PRMT3: variants seen among roughly 807,000 people sequenced by gnomAD.
The protein encoded by PRMT3 is protein arginine methyltransferase 3, also known as protein arginine N-methyltransferase 3.
In PRMT3, 62 loss-of-function variants were observed where a neutral mutation model predicts 71.9. The ratio of observed to expected loss-of-function variants is 0.86; its 90% CI spans 0.70 to 1.07. The LOEUF is 1.07. Among genes scored for constraint, PRMT3 ranks in the 50% least tolerant of loss-of-function variants. The pLI, the probability that PRMT3 is intolerant of heterozygous loss-of-function variation, is 0.00. For missense variants in PRMT3, 663 were observed against 643.0 expected (o/e 1.03, Z -0.34); for synonymous variants, 213 against 220.4 (o/e 0.97, Z 0.30).
At chr11:20,423,691 T>A (rs982577984) in intron 9 of PRMT3, among the ~76,000 whole-genome samples, 1 of 151,954 alleles carries the variant, frequency 6.6e-6, no homozygotes, top group Non-Finnish European at 1.5e-5. Flanking sequence ...TTTTCTCTGA[T>A]TTTTTTAAGT....
At chr11:20,394,303 A>T (rs1749055452) in intron 5 of PRMT3, among the ~76,000 whole-genome samples, 1 of 152,230 alleles carries the variant, frequency 6.6e-6, no homozygotes, top group Non-Finnish European at 1.5e-5. Context: ...TAGAGAAGTG[A>T]AATTAAAATT....
intron 15 of PRMT3, among the ~76,000 whole-genome samples, chr11:20,504,378 C>T (rs904113503): frequency 6.6e-6 from 1 of 152,118 alleles, no homozygotes; most frequent in Non-Finnish European, 1.5e-5. Flanking sequence ...GCCTTTAAGA[C>T]AGTCTTTATA....
At chr11:20,392,815 T>C (rs990418820) in intron 4 of PRMT3, 82 bp from the exon 5 acceptor site, 1 of 891,278 alleles carries the variant, frequency 1.1e-6, no homozygotes, top group African/African-American at 1.7e-5. Flanking sequence ...GATTTCCTTT[T>C]TGTTTAATTT....
intron 10 of PRMT3, among the ~76,000 whole-genome samples, chr11:20,441,317 A>G (rs912351106): frequency 3.7e-5 from 5 of 133,532 alleles, no homozygotes; most frequent in Admixed American, 7.6e-5. Flanking sequence ...ATTTATTTAT[A>G]TATTTTGAGA....
At chr11:20,506,438 G>A (rs1052997410) in intron 15 of PRMT3, among the ~76,000 whole-genome samples, 2 of 151,496 alleles carry the variant, frequency 1.3e-5, no homozygotes, top group African/African-American at 2.4e-5. Flanking sequence ...TGCACCTTGG[G>A]CCACATTATT....
chr11:20,483,899 G>T (rs1851008341), intron 13 of PRMT3, among the ~76,000 whole-genome samples: 1 of 152,142 alleles, frequency 6.6e-6, no homozygotes, highest in Non-Finnish European at 1.5e-5. Flanking sequence ...GTAATTAATT[G>T]TACAGATGAG....
At chr11:20,435,917 T>C (rs1205948756) in intron 10 of PRMT3, among the ~76,000 whole-genome samples, 1 of 152,236 alleles carries the variant, frequency 6.6e-6, no homozygotes. Flanking sequence ...GCCAGTATGG[T>C]TATTTCAACA....
chr11:20,418,135 G>A (rs985139421), intron 9 of PRMT3, among the ~76,000 whole-genome samples: 1 of 152,108 alleles, frequency 6.6e-6, no homozygotes, highest in African/African-American at 2.4e-5. Context: ...AGAAAAAGTT[G>A]ATAATTTCAT....
intron 15 of PRMT3, among the ~76,000 whole-genome samples, chr11:20,504,707 T>TGTGTGAGAGAGAGAGA (rs1332372470): frequency 5.2e-5 from 7 of 133,644 alleles, no homozygotes; most frequent in African/African-American, 1.5e-4. Flanking sequence ...TGTGTGTGTG[T>TGTGTGAGAGAGAGAGA]GAGAGAGAGA....
intron 9 of PRMT3, among the ~76,000 whole-genome samples, chr11:20,422,040 C>T (rs531233583): frequency 2.0e-4 from 31 of 152,268 alleles, no homozygotes; most frequent in African/African-American, 7.0e-4. Flanking sequence ...ACCCCTCTTG[C>T]GGTAGGTATG....
At chr11:20,390,720 C>T (rs1299819868) in intron 3 of PRMT3, among the ~76,000 whole-genome samples, 2 of 152,230 alleles carry the variant, frequency 1.3e-5, no homozygotes, top group African/African-American at 4.8e-5. Context: ...TGGCTCACGC[C>T]TGTGATTCCA....
chr11:20,415,409 A>G (rs1849283020), intron 9 of PRMT3, among the ~76,000 whole-genome samples: 1 of 152,138 alleles, frequency 6.6e-6, no homozygotes, highest in Admixed American at 6.6e-5. Context: ...GGAAGAACTC[A>G]CACAATTCAG....
At chr11:20,491,848 A>C (rs1590107393) in intron 13 of PRMT3, among the ~76,000 whole-genome samples, 1 of 152,194 alleles carries the variant, frequency 6.6e-6, no homozygotes, top group African/African-American at 2.4e-5. Context: ...ATACAGAATT[A>C]GATCTTTTCT....
chr11:20,502,313 G>A (rs539087484), intron 15 of PRMT3, among the ~76,000 whole-genome samples: 28 of 152,310 alleles, frequency 1.8e-4, no homozygotes, highest in African/African-American at 6.7e-4. Flanking sequence ...CAATTGAAGG[G>A]AGATCAGCAG....
rs1191864779 is a variant in PRMT3 at position 20,392,258 on chromosome 11, A to C, written c.295A>C (p.Lys99Gln). 8 of 1,562,990 alleles carry C rather than the reference A, an allele frequency of 5.1e-6. No homozygotes were observed. The highest frequency in any genetic ancestry group is 2.3e-5 in the South Asian group (2 of 87,344). Residue 99 changes from lysine to glutamine, a missense_variant and splice_region_variant, in exon 4 of 16, where the codon AAG (lysine) becomes CAG (glutamine). Physicochemically the swap from Lys to Gln is moderately conservative, Grantham distance 53. Transcript: ENST00000331079. Reference protein sequence around the residue: ...YIKLINFIRLKNPTVEYMNSI... With the variant: ...YIKLINFIRLQNPTVEYMNSI... ...TAAGCTAATAAATTTTATTAGACTTAAGGTAAGTTGACAGCTTAATTTATA... is the reference window on the plus strand; with the variant it reads ...TAAGCTAATAAATTTTATTAGACTTCAGGTAAGTTGACAGCTTAATTTATA...
At chr11:20,482,372 A>G (rs1850958678) in intron 13 of PRMT3, among the ~76,000 whole-genome samples, 1 of 149,294 alleles carries the variant, frequency 6.7e-6, no homozygotes, top group African/African-American at 2.6e-5. Context: ...TTAATTCTAG[A>G]TAGGTATAGG....
intron 14 of PRMT3, 48 bp from the exon 15 acceptor site, chr11:20,494,119 T>C (rs1365872358): frequency 1.3e-6 from 2 of 1,522,844 alleles, no homozygotes; most frequent in East Asian, 2.3e-5. Flanking sequence ...TACCATGATA[T>C]TAAAAATCTT....
At position 20,504,707 on chromosome 11, in the gene PRMT3, T is replaced by TGTGAGAGAGAGAGA. The variant is rs1332372470; in HGVS notation, c.1487-3596_1487-3595insTGAGAGAGAGAGAG. ...TATTGTATGTGTGTGTGTGTGTGTGTGAGAGAGAGAGAGAGAGAGAGAGAG... is the reference window on the plus strand; with the variant it reads ...TATTGTATGTGTGTGTGTGTGTGTGTGTGAGAGAGAGAGAGAGAGAGAGAGAGAGAGAGAGAGAG... On this transcript the variant is annotated intron_variant, in intron 15 of 15. Coordinates refer to ENST00000331079, the MANE Select transcript of PRMT3 (RefSeq NM_005788.4). Among the ~76,000 whole-genome samples the TGTGAGAGAGAGAGA allele has an allele frequency of 2.0e-3, 263 of 133,598 alleles. 3 individuals carry two copies. Among genetic ancestry groups the TGTGAGAGAGAGAGA allele is most frequent in the African/African-American group, 7.1e-3 (236 of 33,080 alleles). 87.6% of individuals were successfully genotyped at this position (133,598 alleles called of 152,430 possible).
At chr11:20,491,649 C>T (rs772070249) in intron 13 of PRMT3, among the ~76,000 whole-genome samples, 3 of 152,154 alleles carry the variant, frequency 2.0e-5, no homozygotes, top group Non-Finnish European at 4.4e-5. Flanking sequence ...AATCTCACGT[C>T]AGTTCTCTAG....
Sources: allele counts gnomAD v4.1 joint callset (sites outside exome capture counted in the v4.1 genomes callset), GRCh38; gene constraint gnomAD v4.1.1; transcripts MANE v1.5; gene names NCBI Gene and HGNC (gene_info 2026-07-23, HGNC 2026-07-21).